KIAA0586: variants seen among roughly 807,000 people sequenced by gnomAD.
KIAA0586 encodes the protein protein TALPID3.
KIAA0586 carries 144 observed loss-of-function variants against 169.8 expected under a neutral mutation model. That is an observed-to-expected ratio of 0.85 (90% CI 0.74 to 0.97). The LOEUF is 0.97. Ranked by LOEUF, KIAA0586 falls within the 50% of genes least tolerant of loss-of-function variation. KIAA0586 has a pLI of 0.00. For missense variants in KIAA0586, 1,854 were observed against 1,823.0 expected (o/e 1.02, Z -0.31); for synonymous variants, 625 against 612.4 (o/e 1.02, Z -0.30).
intron 29 of KIAA0586, chr14:58,521,972 A>G (rs2139887949): frequency 7.4e-7 from 1 of 1,346,816 alleles, no homozygotes; most frequent in Non-Finnish European, 1.1e-6. Flanking sequence ...GACAGCACCA[A>G]TGGCGAAGAT....
chr14:58,520,048 G>A (rs1439376456), intron 29 of KIAA0586, among the ~76,000 whole-genome samples: 1 of 152,110 alleles, frequency 6.6e-6, no homozygotes, highest in Admixed American at 6.5e-5. Context: ...GGACAAAATA[G>A]TTGAACAGAG....
In KIAA0586 at chr14:58,550,628, G is replaced by GT. The variant is rs1314288645; in HGVS notation, c.*2699dup. 5.3e-5 allele frequency: 8 copies of GT among 151,982 alleles called. No homozygotes were observed. Among genetic ancestry groups the GT allele is most frequent in the Non-Finnish European group, 1.0e-4 (7 of 68,120 alleles). The allele number at this position is 151,982 out of a possible 1,614,324, so 9.4% of individuals were successfully genotyped here. On this transcript the variant is annotated 3_prime_UTR_variant, in exon 31 of 31. Coordinates refer to ENST00000652326, the MANE Select transcript of KIAA0586 (RefSeq NM_001329943.3). ...GAGGGTGGATCACTTGAGCTCAGGAGTTTGAGACCAGCCTGGGCAACATGG... is the reference window on the plus strand; with the variant it reads ...GAGGGTGGATCACTTGAGCTCAGGAGTTTTGAGACCAGCCTGGGCAACATGG...
intron 13 of KIAA0586, among the ~76,000 whole-genome samples, chr14:58,460,582 T>C (rs1346140858): frequency 6.6e-6 from 1 of 152,168 alleles, no homozygotes; most frequent in African/African-American, 2.4e-5. Context: ...TTATACTTAG[T>C]AGATTCTCAG....
chr14:58,511,503 T>A (rs1011020513), intron 28 of KIAA0586, among the ~76,000 whole-genome samples: 1 of 152,192 alleles, frequency 6.6e-6, no homozygotes, highest in Non-Finnish European at 1.5e-5. Context: ...TTAGCTCCTG[T>A]GGTCACAGCT....
chr14:58,470,022 A>C (rs994017334), intron 16 of KIAA0586, among the ~76,000 whole-genome samples: 1 of 151,798 alleles, frequency 6.6e-6, no homozygotes, highest in Admixed American at 6.6e-5. Flanking sequence ...CCAGAAAGTT[A>C]ATCCAATATC....
rs149991156 is a variant in KIAA0586, at chr14:58,537,468, G to C, written c.4430-2603G>C. On this transcript the variant is annotated intron_variant, in intron 29 of 30. Coordinates refer to ENST00000652326, the MANE Select transcript of KIAA0586 (RefSeq NM_001329943.3). ...CTTCAATGGAAGGGATCTCTGAGGT[G>C]GTATTGATACCTTTGTTTTCATGTT... Among the ~76,000 whole-genome samples the C allele has an allele frequency of 2.9e-3, 444 of 152,178 alleles. 4 individuals are homozygous for C. The highest frequency in any genetic ancestry group is 0.01 in the African/African-American group (420 of 41,524).
At chr14:58,534,131 C>T (rs1202804150) in intron 29 of KIAA0586, among the ~76,000 whole-genome samples, 2 of 152,102 alleles carry the variant, frequency 1.3e-5, no homozygotes, top group African/African-American at 4.8e-5. Flanking sequence ...GAGAAGTCTT[C>T]ATATTTAGGA....
intron 29 of KIAA0586, among the ~76,000 whole-genome samples, chr14:58,534,908 T>C (rs868856415): frequency 2.6e-5 from 4 of 152,194 alleles, no homozygotes; most frequent in Non-Finnish European, 5.9e-5. Flanking sequence ...ATATTGTAAG[T>C]GTACAGCTCA....
Position 58,442,779 on chromosome 14 carries a change from G to A in KIAA0586, c.484G>A (p.Val162Ile), listed in dbSNP as rs540188519. ...AGATGCAGGCATAGAGAAGGATGCT[G>A]TTACTCAGGAGACTAGAATTTCACC... Reference protein sequence around the residue: ...LEDAGIEKDAVTQETRISPSG... With the variant: ...LEDAGIEKDAITQETRISPSG... The change falls in exon 5 of 31, where the codon GTT becomes ATT. Residue 162 changes from valine to isoleucine, a missense_variant. By Grantham distance (29) the Val-to-Ile change is conservative (BLOSUM62 3). Transcript: ENST00000652326. 1.0e-5 allele frequency: 16 copies of A among 1,602,066 alleles called. No individual in the cohort carries two copies. The highest frequency in any genetic ancestry group is 5.6e-5 in the South Asian group (5 of 89,172).
intron 21 of KIAA0586, among the ~76,000 whole-genome samples, chr14:58,484,267 A>G (rs1391304911): frequency 6.6e-6 from 1 of 152,184 alleles, no homozygotes; most frequent in African/African-American, 2.4e-5. Flanking sequence ...GCAGCCTGCA[A>G]CTTATCATTC....
At chr14:58,463,894 G>A (rs1427472399) in intron 14 of KIAA0586, 1 of 320,876 alleles carries the variant, frequency 3.1e-6, no homozygotes, top group Non-Finnish European at 6.2e-6. Flanking sequence ...AAGTGGAAGT[G>A]TAGGTGACGG....
Position 58,531,020 on chromosome 14 carries a change from G to A in KIAA0586, c.4430-9051G>A, listed in dbSNP as rs150339006. 5.6e-4 allele frequency among the ~76,000 whole-genome samples: 85 copies of A among 152,122 alleles called. 1 individual carries two copies. The East Asian group carries it at 0.011, about 19-fold the overall frequency. ...GAAAAAAACAACCCCATCAAAAAGC[G>A]GGCAAAGGGGCCGGGTGCAGTGGCT... On this transcript the variant is annotated intron_variant, in intron 29 of 30. Coordinates refer to ENST00000652326, the MANE Select transcript of KIAA0586 (RefSeq NM_001329943.3).
Position 58,443,204 on chromosome 14 carries a change from T to C in KIAA0586, c.585+324T>C, listed in dbSNP as rs534456652. ...AGAGCTAGAGGAACCTTAGAGATAA[T>C]CTATGCCTTAGCTGTCGCTTTGTAA... On this transcript the variant is annotated intron_variant, in intron 5 of 30. Coordinates refer to ENST00000652326, the MANE Select transcript of KIAA0586 (RefSeq NM_001329943.3). 1.9e-3 allele frequency among the ~76,000 whole-genome samples: 293 copies of C among 152,342 alleles called. 1 individual carries two copies. Among genetic ancestry groups the C allele is most frequent in the Middle Eastern group, 6.8e-3 (2 of 294 alleles).
At position 58,458,543 on chromosome 14, in the gene KIAA0586, C is replaced by T. The variant is rs2040059119; in HGVS notation, c.1654C>T (p.Gln552Ter). The T allele has an allele frequency of 1.3e-6, 2 of 1,522,350 alleles. No individual in the cohort carries two copies. Among genetic ancestry groups the T allele is most frequent in the Admixed American group, 2.0e-5 (1 of 48,916 alleles). The allele number at this position is 1,522,350 out of a possible 1,614,324, so 94.3% of individuals were successfully genotyped here. ...EWIKTISAEI[Q>*]DELSRTDYEQ... Reference sequence around the variant, plus strand: ...GATTAAAACTATTTCTGCAGAAATTCAGGTATGTCTTGGAAAAAAACTGAA... The same window carrying T: ...GATTAAAACTATTTCTGCAGAAATTTAGGTATGTCTTGGAAAAAAACTGAA... Residue 552 changes from glutamine to a stop codon, truncating the protein, a stop_gained and splice_region_variant, in exon 12 of 31, where the codon CAG (glutamine) becomes TAG (stop). Transcript: ENST00000652326. LOFTEE classifies it high-confidence loss of function.
intron 29 of KIAA0586, among the ~76,000 whole-genome samples, chr14:58,537,803 A>G (rs1425093305): frequency 6.6e-6 from 1 of 151,936 alleles, no homozygotes; most frequent in Non-Finnish European, 1.5e-5. Context: ...GCCTGCCACC[A>G]CGCCCGGCTA....
intron 29 of KIAA0586, among the ~76,000 whole-genome samples, chr14:58,527,459 G>A (rs1390064034): frequency 6.6e-6 from 1 of 152,172 alleles, no homozygotes; most frequent in Non-Finnish European, 1.5e-5. Context: ...CAGAGAGAAA[G>A]GTTGGGTTAC....
chr14:58,492,347 C>G, intron 26 of KIAA0586, 72 bp downstream of exon 26: 1 of 1,353,422 alleles, frequency 7.4e-7, no homozygotes, highest in East Asian at 2.6e-5. Flanking sequence ...ATTCTTACTA[C>G]TAGTTAAAGC....
At chr14:58,427,631 G>A (rs753810786), upstream of KIAA0586, 170 of 1,535,590 alleles carry the variant, frequency 1.1e-4, no homozygotes, top group Admixed American at 1.1e-3. Context: ...CTGGTTGGAT[G>A]TTTTGGGTGA....
At chr14:58,552,461 G>A (rs2047219254), downstream of KIAA0586, among the ~76,000 whole-genome samples, 1 of 152,068 alleles carries the variant, frequency 6.6e-6, no homozygotes, top group South Asian at 2.1e-4. Flanking sequence ...GCTATTTGAT[G>A]GTCCTCTAAT....
Sources: allele counts gnomAD v4.1 joint callset (sites outside exome capture counted in the v4.1 genomes callset), GRCh38; gene constraint gnomAD v4.1.1; transcripts MANE v1.5; gene names NCBI Gene and HGNC (gene_info 2026-07-23, HGNC 2026-07-21).